Variants in SMARCA2 observed in about 807,000 individuals in gnomAD.
The protein encoded by SMARCA2 is SWI/SNF-related matrix-associated actin-dependent regulator of chromatin subfamily A member 2.
A neutral mutation model predicts 199.8 loss-of-function variants in SMARCA2; 61 were observed. The observed-to-expected ratio is 0.31, with a 90% CI of 0.25 to 0.38. The LOEUF (loss-of-function observed/expected upper bound fraction) is 0.38. Ranked by LOEUF, SMARCA2 falls within the 10% of genes least tolerant of loss-of-function variation. The pLI, the probability that SMARCA2 is intolerant of heterozygous loss-of-function variation, is 1.00. For missense variants in SMARCA2, 1,344 were observed against 2,012.2 expected (o/e 0.67, Z 6.35); for synonymous variants, 935 against 732.0 (o/e 1.28, Z -4.48).
intron 12 of SMARCA2, 84 bp downstream of exon 12, chr9:2,073,707 G>C: frequency 1.0e-6 from 1 of 1,001,456 alleles, no homozygotes; most frequent in Non-Finnish European, 1.5e-6. Context: ...CCCGGGCCTT[G>C]GGTCCTTCTA....
intron 28 of SMARCA2, among the ~76,000 whole-genome samples, chr9:2,167,554 G>C (rs1197874992): frequency 6.6e-6 from 1 of 152,204 alleles, no homozygotes; most frequent in Admixed American, 6.5e-5. Flanking sequence ...ACAGCTCCGG[G>C]GCACAGAGGG....
chr9:2,179,081 A>G (rs148733468), intron 29 of SMARCA2, among the ~76,000 whole-genome samples: 4 of 152,270 alleles, frequency 2.6e-5, no homozygotes, highest in East Asian at 3.9e-4. Context: ...TGGAGAGGAG[A>G]AAAAACCACA....
intron 12 of SMARCA2, among the ~76,000 whole-genome samples, chr9:2,074,890 A>G (rs929930714): frequency 7.9e-5 from 12 of 152,154 alleles, no homozygotes; most frequent in Non-Finnish European, 1.5e-4. Context: ...TTAAAAGCAA[A>G]TACTTTTTGG....
chr9:2,181,215 T>TATAC, intron 29 of SMARCA2: 1 of 186,652 alleles, frequency 5.4e-6, no homozygotes, highest in Admixed American at 6.2e-5. Context: ...TGTATATATA[T>TATAC]ACATATATAT....
intron 1 of SMARCA2, among the ~76,000 whole-genome samples, chr9:2,025,719 G>A: frequency 6.6e-6 from 1 of 152,168 alleles, no homozygotes; most frequent in Non-Finnish European, 1.5e-5. Context: ...CTTGAGACTA[G>A]CACCTCTTTC....
intron 19 of SMARCA2, among the ~76,000 whole-genome samples, chr9:2,091,919 T>G (rs1375882840): frequency 6.6e-6 from 1 of 152,196 alleles, no homozygotes; most frequent in Non-Finnish European, 1.5e-5. Context: ...GCCACGGTTT[T>G]GTAAATGCAG....
chr9:2,065,313 A>G (rs1053890835), intron 9 of SMARCA2, among the ~76,000 whole-genome samples: 1 of 152,116 alleles, frequency 6.6e-6, no homozygotes, highest in African/African-American at 2.4e-5. Flanking sequence ...TTCTTGTGTT[A>G]TTTATTTGTG....
chr9:2,180,223 C>G (rs1022520650), intron 29 of SMARCA2, among the ~76,000 whole-genome samples: 1 of 151,904 alleles, frequency 6.6e-6, no homozygotes, highest in Non-Finnish European at 1.5e-5. Flanking sequence ...ACTCATGAGG[C>G]CCATATGTGC....
At chr9:2,180,597 G>C (rs1357071124) in intron 29 of SMARCA2, among the ~76,000 whole-genome samples, 1 of 152,192 alleles carries the variant, frequency 6.6e-6, no homozygotes, top group Non-Finnish European at 1.5e-5. Context: ...GGCATCCTAA[G>C]GGGAGTGAGA....
chr9:2,015,530 A>G (rs1397357419), intron 1 of SMARCA2, 126 bp downstream of exon 1: 1 of 152,034 alleles, frequency 6.6e-6, no homozygotes, highest in African/African-American at 2.4e-5. Flanking sequence ...TATCCTAATT[A>G]TTATTTATTG....
chr9:2,092,811 G>A (rs891202788), intron 19 of SMARCA2, among the ~76,000 whole-genome samples: 1 of 152,208 alleles, frequency 6.6e-6, no homozygotes, highest in Non-Finnish European at 1.5e-5. Flanking sequence ...TCACCCCCGT[G>A]AAGAAGTCAC....
chr9:2,047,306 G>C lies in SMARCA2; in HGVS notation c.868G>C (p.Ala290Pro). ...CGCGCCCGGCGGCCGGCCCTCGCCC[G>C]CGCCCCCCGCAGCCGCGCAGCCGCC... is the stretch of plus-strand genomic sequence containing the variant. ...VPAPGGRPSP[A>P]PPAAAQPPAA... is the part of the protein sequence containing the mutation. The change falls in exon 5 of 34, where the codon GCG (alanine) becomes CCG (proline). Residue 290 changes from alanine to proline, a missense_variant. Physicochemically the swap from Ala to Pro is conservative, Grantham distance 27. Around this residue, in one of 18 missense-constraint regions of SMARCA2, gnomAD observed 117 missense variants for 99.1 expected, o/e 1.18. Coordinates refer to ENST00000349721, the MANE Select transcript of SMARCA2 (RefSeq NM_003070.5). 1 of 1,003,204 alleles carries C rather than the reference G, an allele frequency of 1.0e-6. No homozygotes were observed. Among genetic ancestry groups the C allele is most frequent in the Non-Finnish European group, 1.2e-6 (1 of 840,022 alleles). 62.1% of individuals were successfully genotyped at this position (1,003,204 alleles called of 1,614,324 possible).
chr9:2,029,482 A>T (rs1818969538), intron 2 of SMARCA2, among the ~76,000 whole-genome samples: 1 of 152,238 alleles, frequency 6.6e-6, no homozygotes, highest in African/African-American at 2.4e-5. Context: ...TAGACTATGC[A>T]GTTCTGATAA....
intron 23 of SMARCA2, among the ~76,000 whole-genome samples, chr9:2,107,931 A>T (rs1439963999): frequency 6.6e-6 from 1 of 151,788 alleles, no homozygotes; most frequent in East Asian, 1.9e-4. Context: ...CCTCAACTCT[A>T]CCTCCCTGAA....
chr9:2,101,055 C>G (rs1190060969), intron 21 of SMARCA2, among the ~76,000 whole-genome samples: 3 of 152,108 alleles, frequency 2.0e-5, no homozygotes, highest in Non-Finnish European at 4.4e-5. Flanking sequence ...GGAAACCTTC[C>G]TCATGATTCA....
At position 2,073,630 on chromosome 9, in the gene SMARCA2, A is replaced by G. The variant is rs765278931; in HGVS notation, c.1935+7A>G. Reference sequence around the variant, plus strand: ...TTCTGATTATGAGGAAGAGGTATGTATGTATCTCTGTTTGGGGTTTATTGG... The same window carrying G: ...TTCTGATTATGAGGAAGAGGTATGTGTGTATCTCTGTTTGGGGTTTATTGG... On this transcript the variant is annotated splice_region_variant and intron_variant, in intron 12 of 33. Transcript: ENST00000349721. 5 of 1,599,074 alleles carry G rather than the reference A, an allele frequency of 3.1e-6. No homozygotes were observed. In the African/African-American group the frequency reaches 6.7e-5, roughly 21 times the overall value.
Position 2,101,556 on chromosome 9 carries a change from T to C in SMARCA2, c.3079-14T>C, listed in dbSNP as rs964680516. 1.4e-6 allele frequency: 2 copies of C among 1,411,296 alleles called. No individual in the cohort carries two copies. The highest frequency in any genetic ancestry group is 2.0e-5 in the Admixed American group (1 of 51,224). 87.4% of individuals were successfully genotyped at this position (1,411,296 alleles called of 1,614,324 possible). A position where few individuals can be genotyped will look rare whatever the true frequency, so the allele number is the denominator to read the frequency against. On this transcript the variant is annotated splice_polypyrimidine_tract_variant and intron_variant, in intron 21 of 33. Transcript: ENST00000349721. Reference sequence around the variant, plus strand: ...ATTTTTTAAAATCATTCTTTCTATCTCTCTCTTTTAAAGGAATCCTTTGCT... The same window carrying C: ...ATTTTTTAAAATCATTCTTTCTATCCCTCTCTTTTAAAGGAATCCTTTGCT...
At chr9:2,089,550 C>T (rs986409825) in intron 19 of SMARCA2, among the ~76,000 whole-genome samples, 5 of 151,998 alleles carry the variant, frequency 3.3e-5, no homozygotes, top group African/African-American at 7.2e-5. Context: ...CACTTTGTTA[C>T]GAGAGAATTT....
intron 25 of SMARCA2, 139 bp downstream of exon 25, chr9:2,116,188 C>T: frequency 1.5e-6 from 1 of 670,008 alleles, no homozygotes; most frequent in Non-Finnish European, 2.6e-6. Flanking sequence ...TTTTAGATCC[C>T]AACCACAGAA....
Sources: allele counts gnomAD v4.1 joint callset (sites outside exome capture counted in the v4.1 genomes callset), GRCh38; gene constraint gnomAD v4.1.1; regional missense constraint gnomAD v4.1.1; transcripts MANE v1.5; gene names NCBI Gene and HGNC (gene_info 2026-07-23, HGNC 2026-07-21).